Variants in SH3TC2 observed in about 807,000 individuals in gnomAD.
SH3TC2 encodes SH3 domain and tetratricopeptide repeats 2.
Under a neutral mutation model 124.5 loss-of-function variants are expected in SH3TC2, and 87 were observed. That is an observed-to-expected ratio of 0.70 (90% CI 0.59 to 0.84). The LOEUF is 0.84. Among genes scored for constraint, SH3TC2 ranks in the 40% least tolerant of loss-of-function variants. SH3TC2 has a pLI of 0.00. For missense variants in SH3TC2, 1,536 were observed against 1,566.4 expected (o/e 0.98, Z 0.33); for synonymous variants, 634 against 628.5 (o/e 1.01, Z -0.13).
chr5:149,031,805 G>T, intron 8 of SH3TC2, 118 bp from the exon 9 acceptor site: 1 of 1,366,804 alleles, frequency 7.3e-7, no homozygotes, highest in Non-Finnish European at 1.0e-6. Context: ...CCAACTTCCC[G>T]CAAATGAAAT....
intron 6 of SH3TC2, 78 bp from the exon 7 acceptor site, chr5:149,040,755 A>G (rs563323884): frequency 1.8e-6 from 2 of 1,086,200 alleles, no homozygotes; most frequent in Admixed American, 1.7e-5. Flanking sequence ...TATCAGAATA[A>G]TGATGATGAT....
At chr5:149,061,296 G>A (rs553382424) in intron 1 of SH3TC2, among the ~76,000 whole-genome samples, 7 of 152,146 alleles carry the variant, frequency 4.6e-5, no homozygotes, top group Admixed American at 6.5e-5. Flanking sequence ...GCTGAAGGAC[G>A]ATGTCAACTA....
intron 5 of SH3TC2, among the ~76,000 whole-genome samples, chr5:149,041,973 C>T (rs907995921): frequency 6.6e-6 from 1 of 152,054 alleles, no homozygotes; most frequent in African/African-American, 2.4e-5. Flanking sequence ...AAAATTAGAA[C>T]CAAAAAAGAA....
At chr5:149,021,023 C>A (rs555356670) in intron 12 of SH3TC2, among the ~76,000 whole-genome samples, 2 of 152,224 alleles carry the variant, frequency 1.3e-5, no homozygotes, top group Non-Finnish European at 2.9e-5. Flanking sequence ...TCAGAATAGA[C>A]CATATGTTGG....
intron 1 of SH3TC2, among the ~76,000 whole-genome samples, chr5:149,060,447 A>T (rs755960720): frequency 1.3e-5 from 2 of 152,186 alleles, no homozygotes; most frequent in Admixed American, 6.5e-5. Context: ...CAGAGTCCAC[A>T]TGTAAGAATG....
intron 15 of SH3TC2, chr5:149,007,429 C>T: frequency 3.8e-6 from 2 of 531,592 alleles, no homozygotes; most frequent in Non-Finnish European, 3.3e-6. Flanking sequence ...ATGCAGGATT[C>T]TGAGAAAGAA....
chr5:149,041,735 T>C lies in SH3TC2; in HGVS notation c.530-118A>G, dbSNP rs1046770844. The stretch of plus-strand genomic sequence containing the variant: ...AGTACTTTTCTTCCTGGAAGTAAAG[T>C]AGACGTTTCACAGGGGAGACACTAA... On this transcript the variant is annotated intron_variant, in intron 5 of 16. Coordinates refer to ENST00000515425, the MANE Select transcript of SH3TC2 (RefSeq NM_024577.4). 26 of 1,128,184 alleles carry C rather than the reference T, an allele frequency of 2.3e-5. No individual in the cohort carries two copies. In the African/African-American group the frequency reaches 3.4e-4, roughly 15 times the overall value. 69.9% of individuals were successfully genotyped at this position (1,128,184 alleles called of 1,614,324 possible).
Position 148,988,209 on chromosome 5 carries a change from C to A in SH3TC2, c.*16502G>T, listed in dbSNP as rs1348380325. On this transcript the variant is annotated 3_prime_UTR_variant, in exon 17 of 17. Coordinates refer to ENST00000515425, the MANE Select transcript of SH3TC2 (RefSeq NM_024577.4). ...GCTAGATTTTATGAAAAGTGGGTAA[C>A]AAAGCATCTTTACTCCTTCTCCCAT... 1.3e-5 allele frequency among the ~76,000 whole-genome samples: 2 copies of A among 152,142 alleles called. No homozygotes were observed. The highest frequency in any genetic ancestry group is 2.9e-5 in the Non-Finnish European group (2 of 68,020).
chr5:149,006,736 C>T (rs184126608), intron 16 of SH3TC2, 145 bp downstream of exon 16: 11 of 853,010 alleles, frequency 1.3e-5, no homozygotes, highest in Admixed American at 1.8e-5. Context: ...CCTGTAAAGC[C>T]ACTCCTCACC....
intron 8 of SH3TC2, among the ~76,000 whole-genome samples, chr5:149,037,090 G>A (rs1319524943): frequency 6.6e-6 from 1 of 152,064 alleles, no homozygotes; most frequent in East Asian, 1.9e-4. Flanking sequence ...CCTCACACAG[G>A]CATTCCCAGG....
chr5:149,000,514 C>T lies in SH3TC2; in HGVS notation c.*4197G>A, dbSNP rs563837464. Among the ~76,000 whole-genome samples the T allele has an allele frequency of 6.6e-6, 1 of 152,162 alleles. No homozygotes were observed. Among genetic ancestry groups the T allele is most frequent in the African/African-American group, 2.4e-5 (1 of 41,438 alleles). ...ATAATTCTGTTTATGGAAAACAATA[C>T]AAGTTTTTCTTCTATATAGACTAGT... On this transcript the variant is annotated 3_prime_UTR_variant, in exon 17 of 17. Coordinates refer to ENST00000515425, the MANE Select transcript of SH3TC2 (RefSeq NM_024577.4).
chr5:149,022,597 C>T (rs1753993367), intron 12 of SH3TC2, among the ~76,000 whole-genome samples: 1 of 152,178 alleles, frequency 6.6e-6, no homozygotes, highest in Non-Finnish European at 1.5e-5. Flanking sequence ...TGAATGTTCA[C>T]AGCAGCATTA....
intron 7 of SH3TC2, among the ~76,000 whole-genome samples, chr5:149,038,974 A>T (rs766513837): frequency 6.6e-6 from 1 of 152,170 alleles, no homozygotes; most frequent in Non-Finnish European, 1.5e-5. Context: ...AGTCTCCCCA[A>T]CTGGAAAATG....
rs982785462 is a variant in SH3TC2 at position 148,984,243 on chromosome 5, A to G, written c.*20468T>C. On this transcript the variant is annotated 3_prime_UTR_variant, in exon 17 of 17. Coordinates refer to ENST00000515425, the MANE Select transcript of SH3TC2 (RefSeq NM_024577.4). ...ATTCTTTTTTCTTTTTGTTCCTTCGACTGGATAATTTCAAGTGTCCTGTCT... is the reference window on the plus strand; with the variant it reads ...ATTCTTTTTTCTTTTTGTTCCTTCGGCTGGATAATTTCAAGTGTCCTGTCT... Among the ~76,000 whole-genome samples the G allele has an allele frequency of 1.1e-4, 16 of 151,918 alleles. No homozygotes were observed. Among genetic ancestry groups the G allele is most frequent in the African/African-American group, 3.9e-4 (16 of 41,456 alleles).
intron 3 of SH3TC2, chr5:149,046,854 A>T (rs1754472066): frequency 1.3e-5 from 2 of 152,236 alleles, no homozygotes; most frequent in South Asian, 4.1e-4. Context: ...ATTCAAAAAA[A>T]TGTAGCTACT....
rs1165194450 is a variant in SH3TC2, at chr5:149,028,418, G to C, written c.1314C>G (p.Ser438Arg). 2 of 1,613,712 alleles carry C rather than the reference G, an allele frequency of 1.2e-6. No homozygotes were observed. Among genetic ancestry groups the C allele is most frequent in the African/African-American group, 2.7e-5 (2 of 74,900 alleles). Residue 438 changes from serine (S) to arginine (R), a missense_variant, in exon 11 of 17, where the codon AGC (serine) becomes AGG (arginine). Around this residue, in one of 3 missense-constraint regions of SH3TC2, gnomAD observed 1,102 missense variants for 1,098.6 expected, o/e 1.00. Coordinates refer to ENST00000515425, the MANE Select transcript of SH3TC2 (RefSeq NM_024577.4). The stretch of plus-strand genomic sequence containing the variant: ...GGTCATCAGGCTCCGGCAGGCGATA[G>C]CTGTCTGAGGTGGCCGAGAGGAGCT... Reference protein sequence around the residue: ...EEELLSATSDSYRLPEPDDLD... With the variant: ...EEELLSATSDRYRLPEPDDLD...
chr5:149,052,161 C>A lies in SH3TC2; in HGVS notation c.132G>T (p.Leu44=). Residue 44 remains leucine (L), a synonymous_variant, in exon 2 of 17, where the codon CTG becomes CTT. Coordinates refer to ENST00000515425, the MANE Select transcript of SH3TC2 (RefSeq NM_024577.4). ...ASSEYKEKCF[L]PQNINPDLTL... is the part of the protein sequence containing the mutation. ...GGATACCTGGATTAATGTTCTGTGG[C>A]AGAAAACATTTTTCCTTGTATTCAG... 1 of 1,612,520 alleles carries A rather than the reference C, an allele frequency of 6.2e-7. No individual in the cohort carries two copies. Among genetic ancestry groups the A allele is most frequent in the South Asian group, 1.1e-5 (1 of 91,042 alleles).
In SH3TC2 at chr5:149,009,024, C is replaced by G. The variant is rs367992641; in HGVS notation, c.3328-23G>C. 3.9e-5 allele frequency: 63 copies of G among 1,614,014 alleles called. No individual in the cohort carries two copies. In the African/African-American group the frequency reaches 4.1e-4, roughly 11 times the overall value. The stretch of plus-strand genomic sequence containing the variant: ...AGCCTAGGAACAGAAGCCCAAGGAA[C>G]CTTAGTCTAGCTAGGAATCCTCAGT... On this transcript the variant is annotated intron_variant, in intron 14 of 16. Coordinates refer to ENST00000515425, the MANE Select transcript of SH3TC2 (RefSeq NM_024577.4).
At chr5:149,042,970 T>G (rs2127401019) in intron 4 of SH3TC2, 133 bp from the exon 5 acceptor site, 1 of 999,550 alleles carries the variant, frequency 1.0e-6, no homozygotes, top group South Asian at 1.4e-5. Flanking sequence ...TAACTGGAAT[T>G]AAAACAACAT....
Sources: allele counts gnomAD v4.1 joint callset (sites outside exome capture counted in the v4.1 genomes callset), GRCh38; gene constraint gnomAD v4.1.1; regional missense constraint gnomAD v4.1.1; transcripts MANE v1.5; gene names NCBI Gene and HGNC (gene_info 2026-07-23, HGNC 2026-07-21).